The following LIMCH1 variants were observed in gnomAD, a reference collection of about 807,000 sequenced individuals.
LIMCH1 encodes LIM and calponin homology domains 1, also known as LIM and calponin homology domains-containing protein 1.
Under a neutral mutation model 176.5 loss-of-function variants are expected in LIMCH1, and 113 were observed. That is an observed-to-expected ratio of 0.64 (90% confidence interval 0.55 to 0.75). The LOEUF (loss-of-function observed/expected upper bound fraction) is 0.75, where lower values mean the gene tolerates loss of function less well. Ranked by LOEUF, LIMCH1 falls within the 30% of genes least tolerant of loss-of-function variation. LIMCH1 has a pLI of 0.00. For synonymous variants in LIMCH1, 619 were observed against 645.9 expected, an observed-to-expected ratio of 0.96 and a Z score of 0.63; for missense variants, 1,674 against 1,814.9, an observed-to-expected ratio of 0.92 and a Z score of 1.41.
At chr4:41,531,482 A>ACG in intron 3 of LIMCH1, among the ~76,000 whole-genome samples, 1 of 120,860 alleles carries the variant, frequency 8.3e-6, no homozygotes, top group Non-Finnish European at 1.6e-5. Context: ...TGTCACACAC[A>ACG]CACACACACA....
chr4:41,587,075 T>C (rs1386922592), intron 1 of LIMCH1, among the ~76,000 whole-genome samples: 1 of 152,154 alleles, frequency 6.6e-6, no homozygotes, highest in Non-Finnish European at 1.5e-5. Flanking sequence ...CTTAAGCAAA[T>C]GGAAGCAGCA....
At chr4:41,433,257 G>A (rs1004151046) in intron 1 of LIMCH1, among the ~76,000 whole-genome samples, 15 of 152,202 alleles carry the variant, frequency 9.9e-5, no homozygotes, top group Admixed American at 2.6e-4. Flanking sequence ...GTCGTTTTGC[G>A]TCTGTCTTAC....
chr4:41,473,695 A>G (rs2067317731), intron 1 of LIMCH1, among the ~76,000 whole-genome samples: 2 of 152,258 alleles, frequency 1.3e-5, no homozygotes, highest in Admixed American at 6.5e-5. Flanking sequence ...AAAAGCAAAA[A>G]TAGACAAATG....
At chr4:41,607,036 T>C (rs973851557) in intron 4 of LIMCH1, among the ~76,000 whole-genome samples, 21 of 152,178 alleles carry the variant, frequency 1.4e-4, no homozygotes, top group African/African-American at 5.1e-4. Context: ...TGACCTCAGG[T>C]GATCCACCCA....
At chr4:41,398,152 C>T (rs2058008181) in intron 1 of LIMCH1, among the ~76,000 whole-genome samples, 1 of 148,918 alleles carries the variant, frequency 6.7e-6, no homozygotes. Context: ...ATCCCTTTAT[C>T]CCATTCATTT....
chr4:41,472,120 C>G (rs1404968503), intron 1 of LIMCH1, among the ~76,000 whole-genome samples: 2 of 152,218 alleles, frequency 1.3e-5, no homozygotes, highest in East Asian at 3.8e-4. Context: ...CGTTTTCTTT[C>G]TTTCAAGAGA....
intron 1 of LIMCH1, among the ~76,000 whole-genome samples, chr4:41,403,812 G>A (rs1468121301): frequency 1.3e-5 from 2 of 152,110 alleles, no homozygotes; most frequent in Non-Finnish European, 2.9e-5. Flanking sequence ...TCATTACCAT[G>A]GATTCTATCA....
intron 19 of LIMCH1, among the ~76,000 whole-genome samples, chr4:41,662,316 T>C (rs1178944218): frequency 1.3e-5 from 2 of 152,230 alleles, no homozygotes; most frequent in Non-Finnish European, 2.9e-5. Context: ...CTTCTTTATG[T>C]ATCAGAGAAC....
In LIMCH1 at chr4:41,646,618, A is replaced by G. The variant is rs771580831; in HGVS notation, c.2545A>G (p.Lys849Glu). The G allele has an allele frequency of 2.5e-6, 4 of 1,614,092 alleles. No homozygotes were observed. The highest frequency in any genetic ancestry group is 2.2e-5 in the East Asian group (1 of 44,878). ...TGTTCTCGAACGCTTGGAGATGCCA[A>G]AAATTCTGGAAAGAAGCCATTCAAC... Reference protein sequence around the residue: ...EAVLERLEMPKILERSHSTEP... With the variant: ...EAVLERLEMPEILERSHSTEP... The change falls in exon 17 of 32, where the codon AAA (lysine) becomes GAA (glutamate). Residue 849 changes from lysine to glutamate, a missense_variant. By Grantham distance (56) the Lys-to-Glu change is moderately conservative (BLOSUM62 1). Transcript: ENST00000503057.
At position 41,538,221 on chromosome 4, in the gene LIMCH1, T is replaced by C. The variant is rs1337650740; in HGVS notation, c.-370T>C. ...GGGTTGGCAGTGGTGACGACTGTTT[T>C]GGGAAAGGAAATGTAAGGGCATTTC... On this transcript the variant is annotated 5_prime_UTR_variant, in exon 1 of 32. Coordinates refer to ENST00000503057, the MANE Select transcript of LIMCH1 (RefSeq NM_001330672.2). The C allele has an allele frequency of 1.0e-6, 1 of 985,446 alleles. No homozygotes were observed. Among genetic ancestry groups the C allele is most frequent in the Non-Finnish European group, 1.2e-6 (1 of 830,038 alleles). The allele number at this position is 985,446 out of a possible 1,614,324, so 61.0% of individuals were successfully genotyped here.
chr4:41,413,276 A>G (rs1037149236), intron 1 of LIMCH1, among the ~76,000 whole-genome samples: 18 of 150,042 alleles, frequency 1.2e-4, no homozygotes, highest in Admixed American at 6.0e-4. Context: ...CTTCCAGGTA[A>G]GTTACCTTAT....
At chr4:41,623,402 A>G (rs1200211116) in intron 7 of LIMCH1, among the ~76,000 whole-genome samples, 1 of 152,182 alleles carries the variant, frequency 6.6e-6, no homozygotes, top group African/African-American at 2.4e-5. Context: ...GAGCATATAG[A>G]TGAACAACAA....
chr4:41,555,431 TGTACTGG>T (rs2081104305), intron 1 of LIMCH1, among the ~76,000 whole-genome samples: 1 of 152,182 alleles, frequency 6.6e-6, no homozygotes, highest in African/African-American at 2.4e-5. Context: ...TGGTTAGCAG[TGTACTGG>T]GTGTTGCCCT....
upstream of LIMCH1, chr4:41,360,753 G>T: frequency 1.1e-6 from 1 of 928,706 alleles, no homozygotes. The surrounding 1 kb of genome is among the most constrained non-coding windows in gnomAD (Gnocchi z 4.5). Flanking sequence ...AGGCCGGCGG[G>T]CGGGAAGGGG....
chr4:41,657,313 G>A (rs16853421), intron 18 of LIMCH1, among the ~76,000 whole-genome samples: 47,923 of 152,112 alleles, frequency 0.32, 8,522 homozygotes, highest in African/African-American at 0.47. Flanking sequence ...CCATCAAGGC[G>A]GGTTTGTTTG....
chr4:41,459,840 A>G (rs562861813), intron 1 of LIMCH1, among the ~76,000 whole-genome samples: 5 of 152,252 alleles, frequency 3.3e-5, no homozygotes, highest in South Asian at 2.1e-4. Flanking sequence ...AAGAGCTGCA[A>G]TGTGGAGGAA....
intron 1 of LIMCH1, among the ~76,000 whole-genome samples, chr4:41,455,260 A>G (rs2064439347): frequency 6.6e-6 from 1 of 152,192 alleles, no homozygotes; most frequent in Non-Finnish European, 1.5e-5. Flanking sequence ...AATGTATCAA[A>G]CAATATTGTG....
At chr4:41,582,589 A>G (rs557693509) in intron 1 of LIMCH1, among the ~76,000 whole-genome samples, 1 of 152,302 alleles carries the variant, frequency 6.6e-6, no homozygotes, top group East Asian at 1.9e-4. Flanking sequence ...TGGTTCAACC[A>G]TTTACGTGTG....
Position 41,606,000 on chromosome 4 carries a change from G to T in LIMCH1, c.5G>T (p.Arg2Leu). 1.2e-6 allele frequency: 2 copies of T among 1,609,000 alleles called. No individual in the cohort carries two copies. Residue 2 changes from arginine to leucine, a missense_variant, in exon 4 of 32, where the codon CGA (arginine) becomes CTA (leucine). Physicochemically the swap from Arg to Leu is moderately radical, Grantham distance 102. This residue lies in a region of LIMCH1 where 655 missense variants were observed against 692.2 expected (regional missense o/e 0.95). Coordinates refer to ENST00000503057, the MANE Select transcript of LIMCH1 (RefSeq NM_001330672.2). Reference sequence around the variant, plus strand: ...TTTGAAGGATTGTTGGCTCAGATGCGAAAGGTAACTTGGCTTTTCTTCTTT... The same window carrying T: ...TTTGAAGGATTGTTGGCTCAGATGCTAAAGGTAACTTGGCTTTTCTTCTTT... MRKDTDDIESPK... is the reference protein window; with the variant it reads MLKDTDDIESPK...
Sources: gnomAD v4.1 joint callset for allele counts (sites outside exome capture counted in the v4.1 genomes callset) on GRCh38, gnomAD v4.1.1 for gene constraint, gnomAD v4.1.1 regional missense constraint, Gnocchi (gnomAD v3.1) non-coding constraint, MANE v1.5 for transcripts, NCBI Gene and HGNC (gene_info 2026-07-23, HGNC 2026-07-21) for gene names.